The following CACNB4 variants were observed in gnomAD, a reference collection of about 807,000 sequenced individuals.
CACNB4 encodes calcium voltage-gated channel auxiliary subunit beta 4.
In CACNB4, 32 loss-of-function variants were observed where a neutral mutation model predicts 71.2. The ratio of observed to expected loss-of-function variants is 0.45; its 90% CI spans 0.34 to 0.60. CACNB4 has a LOEUF of 0.60. Ranked by LOEUF, CACNB4 falls within the 20% of genes least tolerant of loss-of-function variation. The probability of loss-of-function intolerance (pLI) is 0.01; values close to 1 mark genes in which losing one functional copy is unlikely to be tolerated. For synonymous variants in CACNB4, 231 were observed against 236.9 expected (o/e 0.97, Z 0.23); for missense variants, 464 against 647.9 (o/e 0.72, Z 3.08).
chr2:152,074,338 T>C (rs1041908738), intron 2 of CACNB4, among the ~76,000 whole-genome samples: 1 of 150,934 alleles, frequency 6.6e-6, no homozygotes, highest in Non-Finnish European at 1.5e-5. Flanking sequence ...CCCTCACCAC[T>C]ACCATCATGG....
intron 9 of CACNB4, among the ~76,000 whole-genome samples, chr2:151,862,696 G>GTAAC: frequency 6.6e-6 from 1 of 152,146 alleles, no homozygotes; most frequent in South Asian, 2.1e-4. Flanking sequence ...GAAAACACTG[G>GTAAC]TGTAACAACT....
chr2:152,068,333 T>G (rs897424083), intron 2 of CACNB4, among the ~76,000 whole-genome samples: 1 of 152,096 alleles, frequency 6.6e-6, no homozygotes, highest in African/African-American at 2.4e-5. Context: ...CAAGGAAATT[T>G]TTGTCCTTTT....
At chr2:151,851,276 T>C (rs961709956) in intron 12 of CACNB4, 3 of 152,248 alleles carry the variant, frequency 2.0e-5, no homozygotes, top group African/African-American at 7.2e-5. Context: ...CTATTCCTCC[T>C]CAGCATTACT....
At chr2:152,079,391 T>C (rs1469738884) in intron 2 of CACNB4, among the ~76,000 whole-genome samples, 1 of 148,922 alleles carries the variant, frequency 6.7e-6, no homozygotes. Context: ...CCCGGCCGTG[T>C]TGTTGTTGTT....
chr2:152,059,556 A>G (rs552453939), intron 2 of CACNB4, among the ~76,000 whole-genome samples: 10 of 152,380 alleles, frequency 6.6e-5, no homozygotes, highest in African/African-American at 2.4e-4. Context: ...TGAAATGGCA[A>G]CATTTATCCA....
intron 2 of CACNB4, among the ~76,000 whole-genome samples, chr2:152,087,702 AC>A (rs1382349071): frequency 6.6e-6 from 1 of 151,884 alleles, no homozygotes; most frequent in East Asian, 1.9e-4. Flanking sequence ...ACATAGCAAG[AC>A]CCCATCTCTA....
intron 2 of CACNB4, among the ~76,000 whole-genome samples, chr2:152,058,917 G>A (rs895610217): frequency 2.6e-5 from 4 of 152,214 alleles, no homozygotes; most frequent in African/African-American, 9.7e-5. Context: ...TTTTGTCCCA[G>A]TCACTCTAGC....
Position 152,098,917 on chromosome 2 carries a change from G to A in CACNB4, c.63+32C>T. The stretch of plus-strand genomic sequence containing the variant: ...GAGGAGGTGTGAGGAAGGAAGAGGA[G>A]GAAGAGGAGAAGGGGGAGGAGGGGG... On this transcript the variant is annotated intron_variant, in intron 1 of 13. Transcript: ENST00000539935. The surrounding 1 kb of genome is among the most constrained non-coding windows in gnomAD (Gnocchi z 5.3). The A allele has an allele frequency of 7.3e-7, 1 of 1,365,762 alleles. No individual in the cohort carries two copies. Among genetic ancestry groups the A allele is most frequent in the Non-Finnish European group, 9.9e-7 (1 of 1,014,130 alleles). 84.6% of individuals were successfully genotyped at this position (1,365,762 alleles called of 1,614,324 possible). A position where few individuals can be genotyped will look rare whatever the true frequency, so the allele number is the denominator to read the frequency against.
intron 2 of CACNB4, among the ~76,000 whole-genome samples, chr2:152,049,445 C>G (rs1354223615): frequency 6.6e-6 from 1 of 152,190 alleles, no homozygotes. Context: ...GCCACTGCAC[C>G]CGGCCTGCAT....
chr2:152,025,596 T>G (rs1683918242), intron 2 of CACNB4, among the ~76,000 whole-genome samples: 1 of 152,238 alleles, frequency 6.6e-6, no homozygotes, highest in Non-Finnish European at 1.5e-5. Flanking sequence ...GAGTTTGGAA[T>G]ATCTCAAATC....
chr2:151,930,921 T>C (rs1423291670), intron 2 of CACNB4, among the ~76,000 whole-genome samples: 6 of 152,184 alleles, frequency 3.9e-5, no homozygotes, highest in Non-Finnish European at 5.9e-5. Context: ...AGATAGGAAG[T>C]GGTTGTTATC....
At chr2:152,047,853 T>C (rs992883760) in intron 2 of CACNB4, among the ~76,000 whole-genome samples, 4 of 152,180 alleles carry the variant, frequency 2.6e-5, no homozygotes, top group Admixed American at 6.5e-5. Flanking sequence ...GAGCTGAGAT[T>C]GAGCCACTCC....
intron 2 of CACNB4, among the ~76,000 whole-genome samples, chr2:152,025,733 T>A (rs939754644): frequency 2.6e-5 from 4 of 152,238 alleles, no homozygotes; most frequent in African/African-American, 9.6e-5. Context: ...GGACATACCG[T>A]ACTGTGTATT....
At chr2:152,060,230 C>T (rs955155061) in intron 2 of CACNB4, among the ~76,000 whole-genome samples, 1 of 152,210 alleles carries the variant, frequency 6.6e-6, no homozygotes, top group African/African-American at 2.4e-5. Context: ...GAGTTTTATT[C>T]ATCTTTATAG....
chr2:152,073,769 G>C (rs1329631691), intron 2 of CACNB4, among the ~76,000 whole-genome samples: 2 of 152,202 alleles, frequency 1.3e-5, no homozygotes, highest in African/African-American at 4.8e-5. Flanking sequence ...TCCAAGAGCA[G>C]GGCTCTCAGA....
intron 2 of CACNB4, among the ~76,000 whole-genome samples, chr2:151,965,592 T>C (rs2151710218): frequency 6.6e-6 from 1 of 152,324 alleles, no homozygotes; most frequent in African/African-American, 2.4e-5. Flanking sequence ...AACAATAATT[T>C]AAAATATTTT....
rs1231068021 is a variant in CACNB4, at chr2:151,970,791, G to A, written c.148-87421C>T. On this transcript the variant is annotated intron_variant, in intron 2 of 13. Coordinates refer to ENST00000539935, the MANE Select transcript of CACNB4 (RefSeq NM_000726.5). Reference sequence around the variant, plus strand: ...GTCAAGGTAATACAAGAAGTAAGGTGACGTTCTGTGTGAAATCTCCTATTC... The same window carrying A: ...GTCAAGGTAATACAAGAAGTAAGGTAACGTTCTGTGTGAAATCTCCTATTC... The A allele has an allele frequency of 2.0e-5, 3 of 152,236 alleles. No homozygotes were observed. In the East Asian group the frequency reaches 5.8e-4, roughly 29 times the overall value. 9.4% of individuals were successfully genotyped at this position (152,236 alleles called of 1,614,324 possible).
chr2:151,957,598 C>T (rs11682945), intron 2 of CACNB4, among the ~76,000 whole-genome samples: 4,380 of 152,188 alleles, frequency 0.029, 63 homozygotes, highest in African/African-American at 0.039. Flanking sequence ...CACAAACTCT[C>T]GAGCTGACCA....
In CACNB4 at chr2:151,896,537, T is replaced by C. The variant is rs12988941; in HGVS notation, c.148-13167A>G. Among the ~76,000 whole-genome samples, 552 of 152,318 alleles carry C rather than the reference T, an allele frequency of 3.6e-3. 2 individuals are homozygous for C. Among genetic ancestry groups the C allele is most frequent in the Non-Finnish European group, 5.8e-3 (395 of 68,032 alleles). ...CCTCGTTTGACTTTTGTGGCCTTGA[T>C]GGTAACCACACGATACCCACCCCTC... On this transcript the variant is annotated intron_variant, in intron 2 of 13. Coordinates refer to ENST00000539935, the MANE Select transcript of CACNB4 (RefSeq NM_000726.5).
Sources: allele counts gnomAD v4.1 joint callset (sites outside exome capture counted in the v4.1 genomes callset), GRCh38; gene constraint gnomAD v4.1.1; non-coding constraint Gnocchi (gnomAD v3.1); transcripts MANE v1.5; gene names NCBI Gene and HGNC (gene_info 2026-07-23, HGNC 2026-07-21).